The following INSC variants were observed in gnomAD, a reference collection of about 807,000 sequenced individuals.
INSC encodes protein inscuteable homolog.
INSC carries 67 observed loss-of-function variants against 58.6 expected under a neutral mutation model. That is an observed-to-expected ratio of 1.14 (90% confidence interval 0.94 to 1.40). The LOEUF (loss-of-function observed/expected upper bound fraction) is 1.40. Among genes scored for constraint, INSC ranks in the 40% most tolerant of loss-of-function variants. INSC has a pLI of 0.00. For missense variants in INSC, 714 were observed against 692.0 expected (o/e 1.03, Z -0.36); for synonymous variants, 262 against 276.1 (o/e 0.95, Z 0.51).
At chr11:15,245,751 A>C (rs80246031) in intron 12 of INSC, among the ~76,000 whole-genome samples, 161 bp from the exon 13 acceptor site, 2 of 152,242 alleles carry the variant, frequency 1.3e-5, no homozygotes, top group African/African-American at 2.4e-5. Flanking sequence ...CAGGTGACCA[A>C]GATGGTGACT....
intron 2 of INSC, among the ~76,000 whole-genome samples, chr11:15,174,230 A>G (rs775094113): frequency 6.6e-6 from 1 of 152,148 alleles, no homozygotes; most frequent in Admixed American, 6.5e-5. Flanking sequence ...AGATAGCCAC[A>G]TGGCATCCTT....
chr11:15,204,873 T>A (rs1850737227), intron 7 of INSC, among the ~76,000 whole-genome samples: 1 of 152,180 alleles, frequency 6.6e-6, no homozygotes, highest in Non-Finnish European at 1.5e-5. Context: ...CCCCCTCCTT[T>A]CCTTCAACCG....
the INSC span, among the ~76,000 whole-genome samples, chr11:15,265,540 G>A: frequency 0.027 from 4,053 of 150,472 alleles, 91 homozygotes; most frequent in Non-Finnish European, 0.041. Flanking sequence ...ATTTTAATTC[G>A]TGTTTCAATT....
chr11:15,191,531 T>C (rs1217768644), intron 6 of INSC, among the ~76,000 whole-genome samples: 1 of 152,212 alleles, frequency 6.6e-6, no homozygotes, highest in Non-Finnish European at 1.5e-5. Flanking sequence ...ATTGACCTTA[T>C]ATGGCTCCCT....
At chr11:15,154,344 T>A (rs972785388) in intron 2 of INSC, among the ~76,000 whole-genome samples, 5 of 152,176 alleles carry the variant, frequency 3.3e-5, no homozygotes, top group Non-Finnish European at 7.4e-5. Context: ...TAAGACACTC[T>A]TCTGTCTCCA....
chr11:15,186,865 A>G (rs561716036), intron 5 of INSC, among the ~76,000 whole-genome samples: 2 of 152,254 alleles, frequency 1.3e-5, no homozygotes, highest in South Asian at 4.2e-4. Flanking sequence ...CTCTACTATT[A>G]AAATACTTTT....
chr11:15,165,196 G>A (rs1849153693), intron 2 of INSC, among the ~76,000 whole-genome samples: 1 of 152,144 alleles, frequency 6.6e-6, no homozygotes, highest in Non-Finnish European at 1.5e-5. Context: ...CAGTTTTCAT[G>A]TGGGGGTTTG....
At chr11:15,180,074 G>A (rs1220672603) in intron 5 of INSC, among the ~76,000 whole-genome samples, 1 of 152,266 alleles carries the variant, frequency 6.6e-6, no homozygotes, top group East Asian at 1.9e-4. Flanking sequence ...GGCTAACGTG[G>A]TGAAACCCCA....
chr11:15,240,354 G>A, intron 11 of INSC, 93 bp from the exon 12 acceptor site: 2 of 1,070,316 alleles, frequency 1.9e-6, no homozygotes, highest in Non-Finnish European at 1.4e-6. Flanking sequence ...CCCTTCTCTG[G>A]CAGATTGGGT....
At chr11:15,117,971 C>G (rs1228109276) in intron 1 of INSC, among the ~76,000 whole-genome samples, 1 of 152,202 alleles carries the variant, frequency 6.6e-6, no homozygotes, top group Non-Finnish European at 1.5e-5. Flanking sequence ...CTCAAAAGCT[C>G]AAGTGTCTGG....
intron 1 of INSC, among the ~76,000 whole-genome samples, chr11:15,141,165 G>A (rs1358772189): frequency 1.3e-5 from 2 of 152,060 alleles, no homozygotes; most frequent in Admixed American, 1.3e-4. Context: ...AGTATAATGT[G>A]AGCTCCTCCA....
intron 4 of INSC, 58 bp downstream of exon 4, chr11:15,177,221 G>C (rs1016406943): frequency 7.2e-6 from 10 of 1,381,428 alleles, no homozygotes; most frequent in Admixed American, 1.7e-5. Context: ...GCAGGAGAAG[G>C]GGCTGGTATC....
chr11:15,238,170 G>A (rs185031767), intron 10 of INSC, among the ~76,000 whole-genome samples: 1 of 152,148 alleles, frequency 6.6e-6, no homozygotes, highest in African/African-American at 2.4e-5. Flanking sequence ...AGGCAAGGAG[G>A]TATGAGCGGA....
At chr11:15,115,955 C>A (rs1847682847) in intron 1 of INSC, among the ~76,000 whole-genome samples, 1 of 152,168 alleles carries the variant, frequency 6.6e-6, no homozygotes, top group Non-Finnish European at 1.5e-5. Flanking sequence ...TATATTATAC[C>A]TCTGACAATG....
At chr11:15,236,028 C>A (rs1344070041) in intron 10 of INSC, among the ~76,000 whole-genome samples, 1 of 146,190 alleles carries the variant, frequency 6.8e-6, no homozygotes, top group Non-Finnish European at 1.5e-5. Flanking sequence ...TGCACTCCAT[C>A]CTGGGCAACA....
intron 7 of INSC, among the ~76,000 whole-genome samples, chr11:15,213,962 A>G (rs976802484): frequency 6.6e-6 from 1 of 152,182 alleles, no homozygotes; most frequent in African/African-American, 2.4e-5. Flanking sequence ...ACCTCATTGT[A>G]TAAAGGGAGC....
At chr11:15,198,527 T>G (rs1540151) in intron 6 of INSC, among the ~76,000 whole-genome samples, 69,135 of 151,988 alleles carry the variant, frequency 0.45, 16,557 homozygotes, top group East Asian at 0.87. Flanking sequence ...TCGTTGGCAC[T>G]GTTTCTTCAT....
chr11:15,185,902 G>C (rs73426506), intron 5 of INSC, among the ~76,000 whole-genome samples: 3,100 of 152,038 alleles, frequency 0.02, 115 homozygotes, highest in African/African-American at 0.071. Flanking sequence ...ATGTGCAAGG[G>C]GTCATATATT....
At chr11:15,215,720 T>C (rs527668486) in intron 7 of INSC, among the ~76,000 whole-genome samples, 4 of 152,266 alleles carry the variant, frequency 2.6e-5, no homozygotes, top group South Asian at 2.1e-4. Context: ...TCAAATCTGC[T>C]TGGGGAATGT....
Sources: allele counts gnomAD v4.1 joint callset (sites outside exome capture counted in the v4.1 genomes callset), GRCh38; gene constraint gnomAD v4.1.1; transcripts MANE v1.5; gene names NCBI Gene and HGNC (gene_info 2026-07-23, HGNC 2026-07-21).